The following FRYL variants were observed in gnomAD, a reference collection of about 807,000 sequenced individuals.
FRYL encodes the protein protein furry homolog-like.
In FRYL, 150 loss-of-function variants were observed where a neutral mutation model predicts 351.2. The observed-to-expected ratio is 0.43, with a 90% CI of 0.37 to 0.49. The LOEUF (loss-of-function observed/expected upper bound fraction) is 0.49. Among genes scored for constraint, FRYL ranks in the 20% least tolerant of loss-of-function variants. The pLI, the probability that FRYL is intolerant of heterozygous loss-of-function variation, is 0.00. For synonymous variants in FRYL, 1,153 were observed against 1,257.1 expected (o/e 0.92, Z 1.75); for missense variants, 3,036 against 3,619.3 (o/e 0.84, Z 4.13).
chr4:48,598,814 G>A (rs1246338959), intron 13 of FRYL: 10 of 979,434 alleles, frequency 1.0e-5, no homozygotes, highest in East Asian at 2.3e-4. Flanking sequence ...ACTTTGTAAT[G>A]TCGACACAAC....
chr4:48,564,336 T>C (rs1736240948), intron 30 of FRYL, among the ~76,000 whole-genome samples: 1 of 152,218 alleles, frequency 6.6e-6, no homozygotes, highest in African/African-American at 2.4e-5. Context: ...GATTTTGTCT[T>C]CCAACAGAGC....
At chr4:48,752,592 TAA>T (rs1316355111) in intron 1 of FRYL, among the ~76,000 whole-genome samples, 1 of 152,134 alleles carries the variant, frequency 6.6e-6, no homozygotes, top group Non-Finnish European at 1.5e-5. Context: ...GTATTTAAGG[TAA>T]AGAGTCATGA....
At chr4:48,561,881 T>C (rs1174965014) in intron 32 of FRYL, among the ~76,000 whole-genome samples, 1 of 151,958 alleles carries the variant, frequency 6.6e-6, no homozygotes, top group Non-Finnish European at 1.5e-5. Context: ...CCAGATGTGG[T>C]GGTGTGTGCC....
At chr4:48,673,599 A>G (rs1763067237) in intron 3 of FRYL, among the ~76,000 whole-genome samples, 2 of 152,226 alleles carry the variant, frequency 1.3e-5, no homozygotes, top group Non-Finnish European at 2.9e-5. Context: ...CTAAAGATTC[A>G]AAAACATCAA....
chr4:48,557,012 C>G lies in FRYL; in HGVS notation c.4232G>C (p.Cys1411Ser). ...GAGGCTTGGTTCGCTATTCACCCCA[C>G]AAATGCTGATCAAAAAGTGCAAAAT... is the stretch of plus-strand genomic sequence containing the variant. ...KIILHFLISI[C>S]GVNSEPSLLP... is the part of the protein sequence containing the mutation. The change falls in exon 35 of 64, where the codon TGT becomes TCT. Residue 1411 changes from cysteine (C) to serine (S), a missense_variant. Cys to Ser is a moderately radical substitution (Grantham distance 112, BLOSUM62 -1). This residue lies in a region of FRYL where 1,987 missense variants were observed against 2,311.7 expected (regional missense o/e 0.86). Transcript: ENST00000358350. 6.2e-7 allele frequency: 1 copy of G among 1,607,164 alleles called. No individual in the cohort carries two copies. Among genetic ancestry groups the G allele is most frequent in the Non-Finnish European group, 8.5e-7 (1 of 1,176,292 alleles).
At chr4:48,650,423 C>A (rs1757380883) in intron 3 of FRYL, among the ~76,000 whole-genome samples, 1 of 152,108 alleles carries the variant, frequency 6.6e-6, no homozygotes, top group Non-Finnish European at 1.5e-5. Context: ...CAGAGAAAGA[C>A]ATGAACAAGA....
At chr4:48,640,242 C>T (rs1407233342) in intron 3 of FRYL, among the ~76,000 whole-genome samples, 2 of 152,086 alleles carry the variant, frequency 1.3e-5, no homozygotes, top group African/African-American at 4.8e-5. Flanking sequence ...ATTGTTAAAA[C>T]TTGGAAGCAA....
intron 16 of FRYL, among the ~76,000 whole-genome samples, chr4:48,592,107 T>TATATATATATATATATA: frequency 1.0e-5 from 1 of 99,800 alleles, no homozygotes; most frequent in South Asian, 3.1e-4. Flanking sequence ...TATATATATA[T>TATATATATATATATATA]ATATATATTT....
intron 4 of FRYL, among the ~76,000 whole-genome samples, chr4:48,624,973 G>A (rs903327586): frequency 2.0e-5 from 3 of 152,112 alleles, no homozygotes; most frequent in African/African-American, 4.8e-5. Context: ...CTTGGGTTTC[G>A]AATGTGCTGG....
intron 1 of FRYL, among the ~76,000 whole-genome samples, chr4:48,774,901 A>G (rs1478634124): frequency 6.6e-6 from 1 of 152,220 alleles, no homozygotes; most frequent in African/African-American, 2.4e-5. Context: ...TGGTAAAGAC[A>G]TGTATTTATT....
At chr4:48,526,065 G>A (rs532491646) in intron 53 of FRYL, among the ~76,000 whole-genome samples, 13 of 151,844 alleles carry the variant, frequency 8.6e-5, no homozygotes, top group Admixed American at 8.5e-4. Flanking sequence ...GAGAGTTGAT[G>A]AATGTGTATG....
At chr4:48,555,318 C>T (rs1168043397) in intron 35 of FRYL, among the ~76,000 whole-genome samples, 1 of 152,150 alleles carries the variant, frequency 6.6e-6, no homozygotes, top group East Asian at 1.9e-4. Context: ...ATCAAATAGA[C>T]AAAAACTACC....
intron 7 of FRYL, among the ~76,000 whole-genome samples, chr4:48,615,180 T>C (rs559843384): frequency 3.3e-5 from 5 of 152,258 alleles, no homozygotes; most frequent in African/African-American, 9.6e-5. Context: ...TAGCTTAAGA[T>C]AGTGTGAAGT....
At chr4:48,762,318 G>T (rs569589841) in intron 1 of FRYL, among the ~76,000 whole-genome samples, 1 of 152,258 alleles carries the variant, frequency 6.6e-6, no homozygotes, top group African/African-American at 2.4e-5. Flanking sequence ...TGTTTTGCAG[G>T]ATCCCATCAA....
intron 49 of FRYL, among the ~76,000 whole-genome samples, chr4:48,531,922 TTTTTTCTTCCCTACATA>T (rs1727742430): frequency 6.6e-6 from 1 of 152,164 alleles, no homozygotes; most frequent in Non-Finnish European, 1.5e-5. Context: ...GGTGAGGTTT[TTTTTTCTTCCCTACATA>T]TTTTGGCTAT....
chr4:48,575,346 A>C, intron 24 of FRYL, 105 bp from the exon 25 acceptor site: 1 of 1,207,798 alleles, frequency 8.3e-7, no homozygotes, highest in Non-Finnish European at 1.2e-6. Context: ...GGACAGGTGA[A>C]ACTTTACTAT....
chr4:48,570,842 C>T lies in FRYL; in HGVS notation c.2981G>A (p.Gly994Asp). 6.2e-7 allele frequency: 1 copy of T among 1,612,624 alleles called. No homozygotes were observed. The highest frequency in any genetic ancestry group is 1.1e-5 in the South Asian group (1 of 91,048). Residue 994 changes from glycine to aspartate, a missense_variant, in exon 27 of 64, where the codon GGT (glycine) becomes GAT (aspartate). Transcript: ENST00000358350. ...CAATACTGACCTGTGACTAATGACA[C>T]CAGCATCTGCCAGCAGTTCAAATAT... is the stretch of plus-strand genomic sequence containing the variant. ...VRIFELLADA[G>D]VISHSASGGL...
intron 2 of FRYL, among the ~76,000 whole-genome samples, chr4:48,702,656 G>A (rs575284191): frequency 2.0e-5 from 3 of 148,634 alleles, no homozygotes; most frequent in African/African-American, 2.5e-5. Flanking sequence ...CCAGCTACTC[G>A]TAGAGGCTGA....
At chr4:48,591,751 C>T (rs1436578772) in intron 16 of FRYL, among the ~76,000 whole-genome samples, 1 of 152,088 alleles carries the variant, frequency 6.6e-6, no homozygotes, top group Non-Finnish European at 1.5e-5. Context: ...TACATGGCTT[C>T]ATTTACCACC....
Sources: allele counts gnomAD v4.1 joint callset (sites outside exome capture counted in the v4.1 genomes callset), GRCh38; gene constraint gnomAD v4.1.1; regional missense constraint gnomAD v4.1.1; transcripts MANE v1.5; gene names NCBI Gene and HGNC (gene_info 2026-07-23, HGNC 2026-07-21).